The following CDH23 variants were observed in gnomAD, a reference collection of about 807,000 sequenced individuals.
CDH23 encodes the protein cadherin-23.
Under a neutral mutation model 317.1 loss-of-function variants are expected in CDH23, and 189 were observed. The observed-to-expected ratio is 0.60, with a 90% CI of 0.53 to 0.67. The LOEUF (loss-of-function observed/expected upper bound fraction) is 0.67, where lower values mean the gene tolerates loss of function less well. CDH23 is among the 30% of genes least tolerant of loss of function. The pLI, the probability that CDH23 is intolerant of heterozygous loss-of-function variation, is 0.00. For synonymous variants in CDH23, 1,839 were observed against 1,876.8 expected, an observed-to-expected ratio of 0.98 and a Z score of 0.52; for missense variants, 4,401 against 4,592.4, an observed-to-expected ratio of 0.96 and a Z score of 1.20.
intron 3 of CDH23, among the ~76,000 whole-genome samples, chr10:71,504,481 C>T (rs1853523033): frequency 6.6e-6 from 1 of 152,216 alleles, no homozygotes; most frequent in Admixed American, 6.5e-5. Flanking sequence ...TGGATCGCTT[C>T]CCCCTTCTTG....
intron 6 of CDH23, among the ~76,000 whole-genome samples, chr10:71,532,311 C>T (rs540459580): frequency 5.3e-5 from 8 of 152,350 alleles, no homozygotes; most frequent in African/African-American, 1.9e-4. Flanking sequence ...GACTGCTCTC[C>T]GCCAGCCTCC....
At chr10:71,688,922 G>A (rs1197210156) in intron 19 of CDH23, among the ~76,000 whole-genome samples, 3 of 123,184 alleles carry the variant, frequency 2.4e-5, no homozygotes, top group Non-Finnish European at 3.8e-5. Context: ...CAGGGGTGGT[G>A]GAGCCAGGGG....
chr10:71,665,456 T>G (rs532088493), intron 14 of CDH23, among the ~76,000 whole-genome samples: 1 of 152,312 alleles, frequency 6.6e-6, no homozygotes, highest in Admixed American at 6.5e-5. Flanking sequence ...GATCAGAGTG[T>G]GCCCACTGAG....
chr10:71,463,548 G>A (rs1203676160), intron 3 of CDH23, among the ~76,000 whole-genome samples: 1 of 152,204 alleles, frequency 6.6e-6, no homozygotes, highest in Non-Finnish European at 1.5e-5. Context: ...ACAGCGCTGG[G>A]AGAGGGAGTG....
At chr10:71,777,105 T>C (rs1181475782) in intron 38 of CDH23, among the ~76,000 whole-genome samples, 1 of 152,258 alleles carries the variant, frequency 6.6e-6, no homozygotes, top group Non-Finnish European at 1.5e-5. Context: ...AGTCTTATTT[T>C]TCACAGGTCA....
chr10:71,803,852 G>A (rs1220574498), intron 55 of CDH23, among the ~76,000 whole-genome samples: 1 of 150,250 alleles, frequency 6.7e-6, no homozygotes, highest in Non-Finnish European at 1.5e-5. Context: ...GGGCATGGTG[G>A]TGCATGCCTG....
chr10:71,457,602 G>C (rs1269605605), intron 3 of CDH23, among the ~76,000 whole-genome samples: 1 of 152,220 alleles, frequency 6.6e-6, no homozygotes, highest in African/African-American at 2.4e-5. Flanking sequence ...CTCCTAAGGA[G>C]GGGAGGTTGG....
Position 71,565,268 on chromosome 10 carries a change from T to C in CDH23, c.430-1474T>C, listed in dbSNP as rs568985348. Among the ~76,000 whole-genome samples, 105 of 152,250 alleles carry C rather than the reference T, an allele frequency of 6.9e-4. 2 individuals carry two copies. The highest frequency in any genetic ancestry group is 1.9e-3 in the Admixed American group (29 of 15,284). ...AGGGCTTAGCAACAGGGGAAAGTTC[T>C]ACCCCTAGGGCTGAAGGGAAAGGAG... On this transcript the variant is annotated intron_variant, in intron 6 of 69. Coordinates refer to ENST00000224721, the MANE Select transcript of CDH23 (RefSeq NM_022124.6).
chr10:71,811,407 G>T lies in CDH23; in HGVS notation c.9170G>T (p.Arg3057Leu), dbSNP rs372141384. Residue 3057 changes from arginine to leucine, a missense_variant, in exon 63 of 70, where the codon CGG becomes CTG. Coordinates refer to ENST00000224721, the MANE Select transcript of CDH23 (RefSeq NM_022124.6). ...VLDVQPAISV[R>L]LPDDMSALQM... ...GACGTGCAGCCTGCCATCTCTGTCCGGCTGCCGGATGACATGTCTGCCCTG... is the reference window on the plus strand; with the variant it reads ...GACGTGCAGCCTGCCATCTCTGTCCTGCTGCCGGATGACATGTCTGCCCTG... The T allele has an allele frequency of 6.2e-7, 1 of 1,613,932 alleles. No homozygotes were observed. Among genetic ancestry groups the T allele is most frequent in the Non-Finnish European group, 8.5e-7 (1 of 1,179,870 alleles).
rs1564615543 is a variant in CDH23, at chr10:71,495,827, A to AG, written c.146-14254dup. ...AGGTTTTGGAAAAAAAAAAAAAGAAAGAAAGAAAGAAAGAAGGAAAGAAAG... is the reference window on the plus strand; with the variant it reads ...AGGTTTTGGAAAAAAAAAAAAAGAAAGGAAAGAAAGAAAGAAGGAAAGAAAG... On this transcript the variant is annotated intron_variant, in intron 3 of 69. Transcript: ENST00000224721. 3.4e-5 allele frequency among the ~76,000 whole-genome samples: 5 copies of AG among 146,218 alleles called. No individual in the cohort carries two copies. In the South Asian group the frequency reaches 6.3e-4, roughly 18 times the overall value.
intron 3 of CDH23, among the ~76,000 whole-genome samples, chr10:71,453,413 G>T (rs775921124): frequency 6.6e-6 from 1 of 152,238 alleles, no homozygotes; most frequent in African/African-American, 2.4e-5. Flanking sequence ...GCAACTCCCC[G>T]CAGGAGCAGC....
In CDH23 at chr10:71,695,472, C is replaced by A. The variant is rs1865349679; in HGVS notation, c.2344C>A (p.Pro782Thr). The A allele has an allele frequency of 1.2e-6, 2 of 1,613,664 alleles. No individual in the cohort carries two copies. Among genetic ancestry groups the A allele is most frequent in the Non-Finnish European group, 1.7e-6 (2 of 1,179,554 alleles). Residue 782 changes from proline (P) to threonine (T), a missense_variant, in exon 22 of 70, where the codon CCC becomes ACC. Physicochemically the swap from Pro to Thr is conservative, Grantham distance 38. Transcript: ENST00000224721. ...NDNHPTWKDA[P>T]YYINLVEMTP... ...CAACCACCCCACGTGGAAGGACGCA[C>A]CCTACTACATCAACCTGGTGGAGAT... is the stretch of plus-strand genomic sequence containing the variant.
At chr10:71,759,927 A>G (rs1840275146) in intron 38 of CDH23, among the ~76,000 whole-genome samples, 1 of 87,756 alleles carries the variant, frequency 1.1e-5, no homozygotes, top group Non-Finnish European at 2.7e-5. Context: ...ATATACACAC[A>G]CACATATATA....
intron 28 of CDH23, 87 bp from the exon 29 acceptor site, chr10:71,723,958 G>A (rs1378407765): frequency 1.3e-5 from 19 of 1,463,510 alleles, no homozygotes; most frequent in East Asian, 2.5e-5. Context: ...GGTAGGATGC[G>A]TGAAGGGAAG....
rs75312343 is a variant in CDH23 at position 71,585,601 on chromosome 10, T to C, written c.832+7609T>C. Among the ~76,000 whole-genome samples, 376 of 152,292 alleles carry C rather than the reference T, an allele frequency of 2.5e-3. 2 individuals carry two copies. Among genetic ancestry groups the C allele is most frequent in the African/African-American group, 8.3e-3 (344 of 41,554 alleles). On this transcript the variant is annotated intron_variant, in intron 9 of 69. Coordinates refer to ENST00000224721, the MANE Select transcript of CDH23 (RefSeq NM_022124.6). ...AAACACGCTGGCCTGTTATTTGCAG[T>C]TCTCTCCCACCATCATGCCGAGACA...
At chr10:71,473,905 C>T (rs924775682) in intron 3 of CDH23, among the ~76,000 whole-genome samples, 2 of 152,208 alleles carry the variant, frequency 1.3e-5, no homozygotes, top group African/African-American at 2.4e-5. Context: ...CTTACCCAGT[C>T]GTTAGCCCAG....
At chr10:71,470,620 G>A (rs1011154087) in intron 3 of CDH23, among the ~76,000 whole-genome samples, 1 of 151,982 alleles carries the variant, frequency 6.6e-6, no homozygotes, top group Non-Finnish European at 1.5e-5. Flanking sequence ...CTCCTGAGTA[G>A]CTGGGACTAC....
chr10:71,584,511 T>C (rs1858896294), intron 9 of CDH23, among the ~76,000 whole-genome samples: 1 of 151,326 alleles, frequency 6.6e-6, no homozygotes, highest in Non-Finnish European at 1.5e-5. Flanking sequence ...CTGAAATACA[T>C]GAAAATACAC....
At position 71,753,866 on chromosome 10, in the gene CDH23, G is replaced by A. The variant is rs16929304; in HGVS notation, c.4845+11945G>A. 1.1e-3 allele frequency: 482 copies of A among 456,426 alleles called. 1 individual carries two copies. The highest frequency in any genetic ancestry group is 5.6e-3 in the Admixed American group (237 of 42,562). 28.3% of individuals were successfully genotyped at this position (456,426 alleles called of 1,614,324 possible). A position where few individuals can be genotyped will look rare whatever the true frequency, so the allele number is the denominator to read the frequency against. On this transcript the variant is annotated intron_variant, in intron 38 of 69. Transcript: ENST00000224721. ...CAAACCATGGCTATTGCTTACAGCC[G>A]ACTCATGGGTCAGGCTTCGTGCAGG...
Sources: gnomAD v4.1 joint callset for allele counts (sites outside exome capture counted in the v4.1 genomes callset) on GRCh38, gnomAD v4.1.1 for gene constraint, MANE v1.5 for transcripts, NCBI Gene and HGNC (gene_info 2026-07-23, HGNC 2026-07-21) for gene names.